MIB1: variants seen among roughly 807,000 people sequenced by gnomAD.
MIB1 encodes MIB E3 ubiquitin protein ligase 1, also known as E3 ubiquitin-protein ligase MIB1.
Under a neutral mutation model 124.5 loss-of-function variants are expected in MIB1, and 278 were observed. That is an observed-to-expected ratio of 2.23 (90% CI 2.02 to 2.47). MIB1 has a LOEUF of 2.47. MIB1 is among the 30% of genes most tolerant of loss of function. The pLI, the probability that MIB1 is intolerant of heterozygous loss-of-function variation, is 0.00. For missense variants in MIB1, 957 were observed against 1,254.4 expected (o/e 0.76, Z 3.58); for synonymous variants, 446 against 429.4 (o/e 1.04, Z -0.48).
intron 17 of MIB1, among the ~76,000 whole-genome samples, chr18:21,850,329 A>G (rs183019174): frequency 1.4e-3 from 209 of 151,792 alleles, no homozygotes; most frequent in African/African-American, 4.8e-3. Context: ...TTTTGAAGTA[A>G]AAACTCATGG....
At chr18:21,833,534 G>A (rs1347838620) in intron 12 of MIB1, among the ~76,000 whole-genome samples, 1 of 152,170 alleles carries the variant, frequency 6.6e-6, no homozygotes, top group Non-Finnish European at 1.5e-5. Flanking sequence ...CACCTAATAT[G>A]TGCTACAGTG....
intron 15 of MIB1, among the ~76,000 whole-genome samples, chr18:21,845,165 C>T (rs1268092553): frequency 6.6e-6 from 1 of 152,060 alleles, no homozygotes; most frequent in East Asian, 1.9e-4. Context: ...TGCATGCCAC[C>T]ACGCCCAGCT....
At position 21,786,376 on chromosome 18, in the gene MIB1, C is replaced by T. The variant is rs187731885; in HGVS notation, c.909-4998C>T. On this transcript the variant is annotated intron_variant, in intron 6 of 20. Transcript: ENST00000261537. ...CCTCCCAAAGTGCTGGGATTACAGGCGTGAGCCGCTGCGCCCAGCTCTATT... is the reference window on the plus strand; with the variant it reads ...CCTCCCAAAGTGCTGGGATTACAGGTGTGAGCCGCTGCGCCCAGCTCTATT... 2.8e-3 allele frequency among the ~76,000 whole-genome samples: 428 copies of T among 152,306 alleles called. 2 individuals are homozygous for T. The highest frequency in any genetic ancestry group is 4.4e-3 in the Non-Finnish European group (301 of 68,012).
intron 7 of MIB1, among the ~76,000 whole-genome samples, chr18:21,797,718 A>G (rs1006296145): frequency 1.1e-4 from 17 of 151,764 alleles, no homozygotes; most frequent in African/African-American, 2.2e-4. Flanking sequence ...TAGAAATCCA[A>G]TTTTCTTTTT....
intron 7 of MIB1, 45 bp downstream of exon 7, chr18:21,791,602 T>C: frequency 7.0e-7 from 1 of 1,426,734 alleles, no homozygotes; most frequent in Non-Finnish European, 9.6e-7. Flanking sequence ...TACAATATAC[T>C]TATGTCATTT....
rs1207736066 is a variant in MIB1 at position 21,813,459 on chromosome 18, A to G, written c.1480-2157A>G. The stretch of plus-strand genomic sequence containing the variant: ...TCCTAACCACAAGACCCCCAGGGAA[A>G]AGGCACAAGAGTTGAATCTTAAATC... On this transcript the variant is annotated intron_variant, in intron 10 of 20. Coordinates refer to ENST00000261537, the MANE Select transcript of MIB1 (RefSeq NM_020774.4). Among the ~76,000 whole-genome samples the G allele has an allele frequency of 2.0e-5, 3 of 152,298 alleles. No homozygotes were observed. The East Asian group carries it at 5.8e-4, about 29-fold the overall frequency.
chr18:21,750,268 C>G (rs973116860), intron 1 of MIB1, among the ~76,000 whole-genome samples: 1 of 152,216 alleles, frequency 6.6e-6, no homozygotes, highest in Non-Finnish European at 1.5e-5. Context: ...TCTCCTACCT[C>G]AGCCTCCTGA....
intron 6 of MIB1, among the ~76,000 whole-genome samples, chr18:21,784,282 C>T (rs916657706): frequency 6.0e-5 from 9 of 149,050 alleles, no homozygotes; most frequent in African/African-American, 2.0e-4. Context: ...CTCCTGACCT[C>T]GTAATCCGCC....
At chr18:21,739,955 C>CAA (rs937885690), upstream of MIB1, among the ~76,000 whole-genome samples, 1 of 151,046 alleles carries the variant, frequency 6.6e-6, no homozygotes, top group African/African-American at 2.4e-5. Flanking sequence ...AAAAACCAAA[C>CAA]AAAAAAAATT....
intron 6 of MIB1, among the ~76,000 whole-genome samples, chr18:21,782,365 C>T (rs7231891): frequency 0.013 from 1,996 of 152,246 alleles, 44 homozygotes; most frequent in African/African-American, 0.045. Context: ...TCCCGTGATC[C>T]GCCCACCTTG....
intron 1 of MIB1, among the ~76,000 whole-genome samples, chr18:21,745,705 C>CAT (rs1568183961): frequency 6.6e-6 from 1 of 151,464 alleles, no homozygotes; most frequent in Non-Finnish European, 1.5e-5. Flanking sequence ...CACACACACA[C>CAT]ACACAAAATT....
chr18:21,843,076 A>G, intron 13 of MIB1, 55 bp from the exon 14 acceptor site: 1 of 1,297,774 alleles, frequency 7.7e-7, no homozygotes, highest in South Asian at 1.3e-5. Flanking sequence ...TATAGTTTTC[A>G]TGTTCTTTAC....
In MIB1 at chr18:21,838,497, G is replaced by A; in HGVS notation, c.1962G>A (p.Gln654=). ...AAGTGGCTGAACTGTTGGTACATCA[G>A]GTAAGAAAAGAGTTAAATAATTCCC... The part of the protein sequence containing the change: ...HVEVAELLVH[Q]GNANLDIQNV... The change falls in exon 13 of 21, where the codon CAG becomes CAA. Residue 654 remains glutamine (Q), a splice_region_variant and synonymous_variant. Coordinates refer to ENST00000261537, the MANE Select transcript of MIB1 (RefSeq NM_020774.4). The A allele has an allele frequency of 6.3e-7, 1 of 1,581,870 alleles. No homozygotes were observed. Among genetic ancestry groups the A allele is most frequent in the South Asian group, 1.2e-5 (1 of 83,700 alleles).
intron 10 of MIB1, among the ~76,000 whole-genome samples, chr18:21,813,946 A>G (rs577462205): frequency 6.6e-6 from 1 of 152,310 alleles, no homozygotes; most frequent in South Asian, 2.1e-4. Context: ...AATAAATGCA[A>G]TACGCTTATA....
At chr18:21,859,735 A>G (rs960926113) in intron 20 of MIB1, among the ~76,000 whole-genome samples, 2 of 151,856 alleles carry the variant, frequency 1.3e-5, no homozygotes, top group Admixed American at 6.6e-5. Flanking sequence ...CTAAAAATAC[A>G]AAAATTAGCC....
chr18:21,796,526 C>G (rs2041583186), intron 7 of MIB1, among the ~76,000 whole-genome samples: 1 of 152,142 alleles, frequency 6.6e-6, no homozygotes. Flanking sequence ...AACAAACCTG[C>G]ACTTTCTGCA....
intron 6 of MIB1, among the ~76,000 whole-genome samples, chr18:21,790,012 G>A (rs947025812): frequency 2.6e-5 from 4 of 152,136 alleles, no homozygotes; most frequent in Admixed American, 2.6e-4. Flanking sequence ...TCATTAAAAC[G>A]ATTATTTTGA....
At chr18:21,853,083 A>C in intron 17 of MIB1, 57 bp from the exon 18 acceptor site, 1 of 1,147,840 alleles carries the variant, frequency 8.7e-7, no homozygotes, top group South Asian at 1.2e-5. Context: ...TGAACTTGTT[A>C]AGAGTTACTA....
chr18:21,843,039 C>T (rs1468002801), intron 13 of MIB1, 92 bp from the exon 14 acceptor site: 30 of 799,938 alleles, frequency 3.8e-5, no homozygotes, highest in South Asian at 5.3e-5. Flanking sequence ...CAGCAGTGTT[C>T]GGTGTTATTT....
Sources: gnomAD v4.1 joint callset for allele counts (sites outside exome capture counted in the v4.1 genomes callset) on GRCh38, gnomAD v4.1.1 for gene constraint, MANE v1.5 for transcripts, NCBI Gene and HGNC (gene_info 2026-07-23, HGNC 2026-07-21) for gene names.